Variants in ZZZ3 observed in about 807,000 individuals in gnomAD.
ZZZ3 encodes the protein zinc finger ZZ-type containing 3.
In ZZZ3, 22 loss-of-function variants were observed where a neutral mutation model predicts 95.2. That is an observed-to-expected ratio of 0.23 (90% CI 0.17 to 0.33). ZZZ3 has a LOEUF of 0.33. Among genes scored for constraint, ZZZ3 ranks in the 10% least tolerant of loss-of-function variants. The pLI is 1.00. For missense variants in ZZZ3, 885 were observed against 1,066.5 expected, an observed-to-expected ratio of 0.83 and a Z score of 2.37; for synonymous variants, 335 against 358.9, an observed-to-expected ratio of 0.93 and a Z score of 0.75.
rs182995905 is a variant in ZZZ3, at chr1:77,660,358, C to T, written c.-402-18703G>A. Among the ~76,000 whole-genome samples the T allele has an allele frequency of 6.9e-4, 105 of 152,294 alleles. 1 individual carries two copies. The highest frequency in any genetic ancestry group is 3.4e-3 in the Middle Eastern group (1 of 294). On this transcript the variant is annotated intron_variant, in intron 1 of 14. Transcript: ENST00000370801. ...TCCATTTTGTAAAACTGAAACTCTACGCTCCTTAAACATTAACTCCGCATA... is the reference window on the plus strand; with the variant it reads ...TCCATTTTGTAAAACTGAAACTCTATGCTCCTTAAACATTAACTCCGCATA...
chr1:77,633,395 C>A lies in ZZZ3; in HGVS notation c.-41G>T, dbSNP rs747409473. 1 of 1,528,368 alleles carries A rather than the reference C, an allele frequency of 6.5e-7. No homozygotes were observed. Among genetic ancestry groups the A allele is most frequent in the Non-Finnish European group, 8.8e-7 (1 of 1,141,906 alleles). The allele number at this position is 1,528,368 out of a possible 1,614,324, so 94.7% of individuals were successfully genotyped here. ...TACAATACGGTCATCATGATCCACT[C>A]ATTGGGAAACCTTCAAAAATGTAAA... On this transcript the variant is annotated 5_prime_UTR_variant, in exon 5 of 15. An upstream start codon of the reference 5' UTR is lost. Coordinates refer to ENST00000370801, the MANE Select transcript of ZZZ3 (RefSeq NM_015534.6).
At chr1:77,648,901 A>C (rs924432910) in intron 1 of ZZZ3, among the ~76,000 whole-genome samples, 2 of 152,074 alleles carry the variant, frequency 1.3e-5, no homozygotes, top group Non-Finnish European at 2.9e-5. Flanking sequence ...GAGGCCAAGG[A>C]AGGTGGATCA....
chr1:77,667,522 T>C (rs1352169891), intron 1 of ZZZ3, among the ~76,000 whole-genome samples: 1 of 152,140 alleles, frequency 6.6e-6, no homozygotes, highest in South Asian at 2.1e-4. Flanking sequence ...TTATTGTCCT[T>C]AAGCATTTTT....
At chr1:77,573,421 C>A (rs1312993714) in intron 12 of ZZZ3, among the ~76,000 whole-genome samples, 1 of 152,190 alleles carries the variant, frequency 6.6e-6, no homozygotes, top group Non-Finnish European at 1.5e-5. Context: ...AGTGCCCGGT[C>A]TGAAGTACTT....
chr1:77,624,901 T>C (rs1011109832), intron 5 of ZZZ3, among the ~76,000 whole-genome samples: 2 of 152,168 alleles, frequency 1.3e-5, no homozygotes, highest in African/African-American at 4.8e-5. Flanking sequence ...TGTCAGAATA[T>C]TGAATGGAAT....
intron 5 of ZZZ3, among the ~76,000 whole-genome samples, chr1:77,597,437 G>A (rs1268695085): frequency 6.6e-6 from 1 of 152,060 alleles, no homozygotes; most frequent in Non-Finnish European, 1.5e-5. Flanking sequence ...TGTGCATAGT[G>A]ACTTCCTTCC....
At position 77,577,914 on chromosome 1, in the gene ZZZ3, C is replaced by T. The variant is rs575115907; in HGVS notation, c.2178+860G>A. On this transcript the variant is annotated intron_variant, in intron 11 of 14. Transcript: ENST00000370801. ...GATTACAGGCGTGAGCCACCGTGCC[C>T]GGCCGAAACTGGCTACATTTTAATG... Among the ~76,000 whole-genome samples, 409 of 152,174 alleles carry T rather than the reference C, an allele frequency of 2.7e-3. 3 individuals are homozygous for T. Among genetic ancestry groups the T allele is most frequent in the Non-Finnish European group, 4.3e-3 (295 of 68,010 alleles).
intron 1 of ZZZ3, among the ~76,000 whole-genome samples, chr1:77,655,781 G>C (rs963207826): frequency 1.3e-5 from 2 of 152,098 alleles, no homozygotes; most frequent in Non-Finnish European, 2.9e-5. Context: ...AAACACCCTG[G>C]ACTTTTCAGT....
intron 5 of ZZZ3, among the ~76,000 whole-genome samples, chr1:77,597,888 G>A (rs1664361821): frequency 6.6e-6 from 1 of 152,050 alleles, no homozygotes; most frequent in African/African-American, 2.4e-5. Flanking sequence ...TAATAACAAT[G>A]TTGATTCATT....
intron 1 of ZZZ3, among the ~76,000 whole-genome samples, chr1:77,670,103 T>G (rs1671620880): frequency 6.9e-6 from 1 of 145,516 alleles, no homozygotes; most frequent in Non-Finnish European, 1.5e-5. Context: ...CCCTTGAAAT[T>G]AACACCAGCA....
At chr1:77,642,205 T>G (rs1260537113) in intron 1 of ZZZ3, among the ~76,000 whole-genome samples, 1 of 152,152 alleles carries the variant, frequency 6.6e-6, no homozygotes, top group Non-Finnish European at 1.5e-5. Flanking sequence ...GTAAGCTTCT[T>G]AAAAACAGAC....
chr1:77,597,957 G>C (rs1380858514), intron 5 of ZZZ3, among the ~76,000 whole-genome samples: 2 of 151,804 alleles, frequency 1.3e-5, no homozygotes, highest in Admixed American at 6.6e-5. Flanking sequence ...CAGGAAATTG[G>C]GTATAGAGTA....
chr1:77,565,724 C>A lies in ZZZ3; in HGVS notation c.2628G>T (p.Glu876Asp), dbSNP rs767013722. 1.9e-6 allele frequency: 3 copies of A among 1,613,562 alleles called. No individual in the cohort carries two copies. The highest frequency in any genetic ancestry group is 2.5e-6 in the Non-Finnish European group (3 of 1,179,696). ...DHQLEPIYRS[E>D]TFLDRDYCVS... Reference sequence around the variant, plus strand: ...CACAGTAGTCTCTGTCTAAGAATGTCTCTGACCTATAAATAGGTTCTAATT... The same window carrying A: ...CACAGTAGTCTCTGTCTAAGAATGTATCTGACCTATAAATAGGTTCTAATT... Residue 876 changes from glutamate to aspartate, a missense_variant, in exon 15 of 15, where the codon GAG becomes GAT. Physicochemically the swap from Glu to Asp is conservative, Grantham distance 45 (BLOSUM62 2). Transcript: ENST00000370801.
rs547814292 is a variant in ZZZ3 at position 77,587,441 on chromosome 1, T to C, written c.1506-2786A>G. Among the ~76,000 whole-genome samples, 6 of 152,060 alleles carry C rather than the reference T, an allele frequency of 3.9e-5. No homozygotes were observed. The South Asian group carries it at 1.0e-3, about 26-fold the overall frequency. On this transcript the variant is annotated intron_variant, in intron 5 of 14. Transcript: ENST00000370801. Reference sequence around the variant, plus strand: ...CACCACATCCGGCTAATTTTTTGTATTTTTAGTAGAGATGGGGTTTCACCA... The same window carrying C: ...CACCACATCCGGCTAATTTTTTGTACTTTTAGTAGAGATGGGGTTTCACCA...
Position 77,565,737 on chromosome 1 carries a change from A to G in ZZZ3, c.2615T>C (p.Ile872Thr). 1.9e-6 allele frequency: 3 copies of G among 1,613,802 alleles called. No homozygotes were observed. The highest frequency in any genetic ancestry group is 1.1e-5 in the South Asian group (1 of 91,054). The change falls in exon 15 of 15, where the codon ATT becomes ACT. Residue 872 changes from isoleucine to threonine, a missense_variant. Ile to Thr is a moderately conservative substitution (Grantham distance 89). Coordinates refer to ENST00000370801, the MANE Select transcript of ZZZ3 (RefSeq NM_015534.6). ...GTCTAAGAATGTCTCTGACCTATAA[A>G]TAGGTTCTAATTGGTGATCTTCCTT... ...IHKEDHQLEP[I>T]YRSETFLDRD...
In ZZZ3 at chr1:77,632,841, A is replaced by G. The variant is rs767543145; in HGVS notation, c.514T>C (p.Cys172Arg). ...ACCTTTTTAATTTCCCTTTTCTCAC[A>G]ATCATCCAGTATAAGACATCGACAA... Reference protein sequence around the residue: ...RACRCLILDDCEKREIKKVNV... With the variant: ...RACRCLILDDREKREIKKVNV... The change falls in exon 5 of 15, where the codon TGT (cysteine) becomes CGT (arginine). Residue 172 changes from cysteine to arginine, a missense_variant. Cys to Arg is a radical substitution (Grantham distance 180, BLOSUM62 -3). Transcript: ENST00000370801. 46 of 1,614,084 alleles carry G rather than the reference A, an allele frequency of 2.8e-5. No homozygotes were observed. The highest frequency in any genetic ancestry group is 3.8e-5 in the Non-Finnish European group (45 of 1,179,992).
chr1:77,653,199 G>A (rs1350566138), intron 1 of ZZZ3, among the ~76,000 whole-genome samples: 2 of 151,530 alleles, frequency 1.3e-5, no homozygotes, highest in East Asian at 2.0e-4. Context: ...AAAAAAGGCA[G>A]GCAGGCAGGC....
chr1:77,670,815 A>T (rs1299381143), intron 1 of ZZZ3, among the ~76,000 whole-genome samples: 1 of 151,960 alleles, frequency 6.6e-6, no homozygotes, highest in African/African-American at 2.4e-5. Context: ...AAGGGCTGTC[A>T]TGCGGGTATG....
At chr1:77,676,819 G>A (rs1406642925) in intron 1 of ZZZ3, among the ~76,000 whole-genome samples, 1 of 151,928 alleles carries the variant, frequency 6.6e-6, no homozygotes, top group Admixed American at 6.6e-5. Flanking sequence ...ACAAAAAAAT[G>A]AGAAAAATTA....
Sources: allele counts gnomAD v4.1 joint callset (sites outside exome capture counted in the v4.1 genomes callset), GRCh38; gene constraint gnomAD v4.1.1; transcripts MANE v1.5; gene names NCBI Gene and HGNC (gene_info 2026-07-23, HGNC 2026-07-21).